Variants in ZAR1 observed in about 807,000 individuals in gnomAD.
The protein encoded by ZAR1 is zygote arrest 1.
In ZAR1, 37 loss-of-function variants were observed where a neutral mutation model predicts 38.3. The ratio of observed to expected loss-of-function variants is 0.97; its 90% confidence interval spans 0.74 to 1.27. ZAR1 has a LOEUF of 1.27. Among genes scored for constraint, ZAR1 ranks in the 50% most tolerant of loss-of-function variants. The probability of loss-of-function intolerance (pLI) is 0.00; values close to 1 mark genes in which losing one functional copy is unlikely to be tolerated. For synonymous variants in ZAR1, 336 were observed against 292.0 expected, an observed-to-expected ratio of 1.15 and a Z score of -1.53; for missense variants, 651 against 632.4, an observed-to-expected ratio of 1.03 and a Z score of -0.32.
downstream of ZAR1, chr4:48,494,420 A>T (rs1225382736): frequency 1.2e-6 from 1 of 834,048 alleles, no homozygotes; most frequent in Non-Finnish European, 1.8e-6. Flanking sequence ...TGTCTTTGAA[A>T]ATAAAGTTTC....
Position 48,490,409 on chromosome 4 carries a change from TG to T in ZAR1, c.120del (p.Trp40CysfsTer30). On this transcript the variant is annotated frameshift_variant, in exon 1 of 4. Transcript: ENST00000327939. LOFTEE classifies it high-confidence loss of function. ...GGGCAAGGGCGCGGCGGGCGGCAGC[TG>T]GCAGCAGCGCGGCAGGGGCTGCCTT... ...TKGKGAAGGS[W>X]QQRGRGCLPA... 1 of 1,490,728 alleles carries T rather than the reference TG, an allele frequency of 6.7e-7. No homozygotes were observed. The highest frequency in any genetic ancestry group is 1.7e-4 in the Middle Eastern group (1 of 5,806). 92.3% of individuals were successfully genotyped at this position (1,490,728 alleles called of 1,614,324 possible).
Position 48,491,080 on chromosome 4 carries a change from G to A in ZAR1, c.789G>A (p.Pro263=). 7.7e-7 allele frequency: 1 copy of A among 1,306,256 alleles called. No homozygotes were observed. Among genetic ancestry groups the A allele is most frequent in the Non-Finnish European group, 9.7e-7 (1 of 1,031,570 alleles). 80.9% of individuals were successfully genotyped at this position (1,306,256 alleles called of 1,614,324 possible). A position where few individuals can be genotyped will look rare whatever the true frequency, so the allele number is the denominator to read the frequency against. ...AGCCGGCCGACGGTCCCGAGCTGCC[G>A]CCGCGAGAGGCCCAGGAGGGCGAGG... The part of the protein sequence containing the change: ...WEQPADGPEL[P]PREAQEGEAA... Residue 263 remains proline, a synonymous_variant, in exon 1 of 4, where the codon CCG becomes CCA. Transcript: ENST00000327939.
In ZAR1 at chr4:48,490,845, T is replaced by C; in HGVS notation, c.554T>C (p.Leu185Pro). Residue 185 changes from leucine to proline, a missense_variant, in exon 1 of 4, where the codon CTG (leucine) becomes CCG (proline). By Grantham distance (98) the Leu-to-Pro change is moderately conservative (BLOSUM62 -3). Around this residue, in one of 2 missense-constraint regions of ZAR1, gnomAD observed 522 missense variants for 459.9 expected, o/e 1.14. Transcript: ENST00000327939. The stretch of plus-strand genomic sequence containing the variant: ...CGCACCGTCGCCGTGTACTCGCCCC[T>C]GGCCTTGCGCCGTCTCACCGCCTTC... Reference protein sequence around the residue: ...FPRTVAVYSPLALRRLTAFLE... With the variant: ...FPRTVAVYSPPALRRLTAFLE... 5 of 1,490,942 alleles carry C rather than the reference T, an allele frequency of 3.4e-6. No homozygotes were observed. The highest frequency in any genetic ancestry group is 3.5e-6 in the Non-Finnish European group (4 of 1,127,616). 92.4% of individuals were successfully genotyped at this position (1,490,942 alleles called of 1,614,324 possible).
In ZAR1 at chr4:48,490,960, A is replaced by G. The variant is rs1035331424; in HGVS notation, c.669A>G (p.Pro223=). ...CGCCGCCCGCGCGGCTTCAAGGCCC[A>G]GAGGAGGGGGAGGTGTGGACGAAGA... The part of the protein sequence containing the change: ...RGPPPARLQG[P]EEGEVWTKKA... Residue 223 remains proline (P), a synonymous_variant, in exon 1 of 4, where the codon CCA becomes CCG. Transcript: ENST00000327939. 17 of 1,351,952 alleles carry G rather than the reference A, an allele frequency of 1.3e-5. No individual in the cohort carries two copies. Among genetic ancestry groups the G allele is most frequent in the African/African-American group, 3.1e-5 (2 of 65,098 alleles). The allele number at this position is 1,351,952 out of a possible 1,614,324, so 83.7% of individuals were successfully genotyped here. A position where few individuals can be genotyped will look rare whatever the true frequency, so the allele number is the denominator to read the frequency against.
rs777125193 is a variant in ZAR1, at chr4:48,494,098, C to T, written c.1132-3C>T. On this transcript the variant is annotated splice_region_variant and splice_polypyrimidine_tract_variant and intron_variant, in intron 3 of 3. Transcript: ENST00000327939. ...CATGCCCTTCTGTATTTTTTTCCCC[C>T]AGAGTTGTAAACAAACGAGATGTTC... 6 of 1,609,102 alleles carry T rather than the reference C, an allele frequency of 3.7e-6. No homozygotes were observed. Among genetic ancestry groups the T allele is most frequent in the Non-Finnish European group, 5.1e-6 (6 of 1,177,344 alleles).
Position 48,491,205 on chromosome 4 carries a change from G to A in ZAR1, c.914G>A (p.Gly305Glu). Residue 305 changes from glycine (G) to glutamate (E), a missense_variant, in exon 1 of 4, where the codon GGG becomes GAG. Gly to Glu is a moderately conservative substitution (Grantham distance 98). Transcript: ENST00000327939. ...CGGGAGGCGGCCGTCGCGGGAGAGGGGCCGTCGCCACGGAGCCCGGAGCTG... is the reference window on the plus strand; with the variant it reads ...CGGGAGGCGGCCGTCGCGGGAGAGGAGCCGTCGCCACGGAGCCCGGAGCTG... ...DGREAAVAGE[G>E]PSPRSPELGK... 8 of 1,234,722 alleles carry A rather than the reference G, an allele frequency of 6.5e-6. No individual in the cohort carries two copies. Among genetic ancestry groups the A allele is most frequent in the Non-Finnish European group, 8.1e-6 (8 of 989,722 alleles). The allele number at this position is 1,234,722 out of a possible 1,614,324, so 76.5% of individuals were successfully genotyped here.
chr4:48,494,455 G>GA, downstream of ZAR1: 1 of 583,238 alleles, frequency 1.7e-6, no homozygotes. Flanking sequence ...TGTGCTAACA[G>GA]TCTGGGCCTG....
downstream of ZAR1, among the ~76,000 whole-genome samples, chr4:48,494,929 G>A (rs772759420): frequency 1.3e-5 from 2 of 152,182 alleles, no homozygotes; most frequent in Non-Finnish European, 1.5e-5. Flanking sequence ...TGTGGCAAAA[G>A]TGGGGCTTGG....
At chr4:48,492,312 G>C (rs1226607015) in intron 1 of ZAR1, among the ~76,000 whole-genome samples, 1 of 152,168 alleles carries the variant, frequency 6.6e-6, no homozygotes, top group Non-Finnish European at 1.5e-5. Flanking sequence ...GTACGATTTA[G>C]GTTCCTGGCA....
At chr4:48,491,315 C>T in intron 1 of ZAR1, 61 bp downstream of exon 1, 1 of 1,190,656 alleles carries the variant, frequency 8.4e-7, no homozygotes, top group Non-Finnish European at 1.1e-6. Context: ...TTCCTTGGGC[C>T]TGGCCCTGTG....
downstream of ZAR1, among the ~76,000 whole-genome samples, chr4:48,495,533 G>GC (rs1185330773): frequency 6.6e-6 from 1 of 152,202 alleles, no homozygotes; most frequent in Non-Finnish European, 1.5e-5. Context: ...TTTAATAGGC[G>GC]CCCCAGCTGT....
chr4:48,492,931 A>C lies in ZAR1; in HGVS notation c.1057-7A>C, dbSNP rs962316498. 14 of 1,614,104 alleles carry C rather than the reference A, an allele frequency of 8.7e-6. No individual in the cohort carries two copies. Among genetic ancestry groups the C allele is most frequent in the African/African-American group, 4.0e-5 (3 of 74,942 alleles). On this transcript the variant is annotated splice_polypyrimidine_tract_variant and splice_region_variant and intron_variant, in intron 2 of 3. Transcript: ENST00000327939. ...CGATTTTAAGTTTATCCTCTTTGTC[A>C]TCACAGGTTTACTTCAAACAGTTTT...
chr4:48,496,508 T>C (rs1411696869), downstream of ZAR1, among the ~76,000 whole-genome samples: 1 of 152,194 alleles, frequency 6.6e-6, no homozygotes, highest in East Asian at 1.9e-4. Context: ...TTTTCCTAAC[T>C]TAGCAGCTAA....
chr4:48,490,782 GC>G lies in ZAR1; in HGVS notation c.496del (p.Gln166ArgfsTer113). 2 of 1,500,086 alleles carry G rather than the reference GC, an allele frequency of 1.3e-6. No homozygotes were observed. Among genetic ancestry groups the G allele is most frequent in the Non-Finnish European group, 8.8e-7 (1 of 1,131,720 alleles). 92.9% of individuals were successfully genotyped at this position (1,500,086 alleles called of 1,614,324 possible). A position where few individuals can be genotyped will look rare whatever the true frequency, so the allele number is the denominator to read the frequency against. On this transcript the variant is annotated frameshift_variant, in exon 1 of 4. Coordinates refer to ENST00000327939, the MANE Select transcript of ZAR1 (RefSeq NM_175619.3). LOFTEE classifies it high-confidence loss of function. Reference protein sequence around the residue: ...QPSRRGLEQGSPQNGAPRPMR... With the variant: ...QPSRRGLEQGXPQNGAPRPMR... ...TCCCGTCGAGGCCTGGAGCAGGGCAGCCCCCAGAACGGCGCCCCGCGGCCCA... is the reference window on the plus strand; with the variant it reads ...TCCCGTCGAGGCCTGGAGCAGGGCAGCCCCAGAACGGCGCCCCGCGGCCCA...
chr4:48,490,463 G>A lies in ZAR1; in HGVS notation c.172G>A (p.Ala58Thr), dbSNP rs1477476495. Residue 58 changes from alanine to threonine, a missense_variant, in exon 1 of 4, where the codon GCG becomes ACG. Around this residue, in one of 2 missense-constraint regions of ZAR1, gnomAD observed 522 missense variants for 459.9 expected, o/e 1.14. Transcript: ENST00000327939. ...LPASSPCSAG[A>T]ASLSFPGCGR... ...CGCCTCCTCCCCCTGCTCGGCGGGC[G>A]CGGCCTCGTTGTCCTTCCCGGGCTG... The A allele has an allele frequency of 2.0e-6, 3 of 1,465,148 alleles. No individual in the cohort carries two copies. Among genetic ancestry groups the A allele is most frequent in the East Asian group, 2.9e-5 (1 of 34,152 alleles). The allele number at this position is 1,465,148 out of a possible 1,614,324, so 90.8% of individuals were successfully genotyped here.
intron 3 of ZAR1, 80 bp from the exon 4 acceptor site, chr4:48,494,021 T>C (rs1487081140): frequency 6.6e-7 from 1 of 1,522,770 alleles, no homozygotes; most frequent in Non-Finnish European, 8.9e-7. Context: ...AGTACTTGAA[T>C]GGACTAGAAA....
At chr4:48,494,053 C>A in intron 3 of ZAR1, 48 bp from the exon 4 acceptor site, 1 of 1,589,976 alleles carries the variant, frequency 6.3e-7, no homozygotes, top group Non-Finnish European at 8.6e-7. Context: ...CCTAGGAAAT[C>A]ACTAAGGGTT....
At chr4:48,494,501 G>C (rs1217870062), downstream of ZAR1, 2 of 445,550 alleles carry the variant, frequency 4.5e-6, no homozygotes, top group African/African-American at 2.0e-5. Context: ...TGATGGCATA[G>C]AGTGGGCCAG....
chr4:48,490,256 A>G lies in ZAR1; in HGVS notation c.-36A>G. The G allele has an allele frequency of 2.0e-6, 3 of 1,475,648 alleles. No homozygotes were observed. The highest frequency in any genetic ancestry group is 2.7e-6 in the Non-Finnish European group (3 of 1,120,142). The allele number at this position is 1,475,648 out of a possible 1,614,324, so 91.4% of individuals were successfully genotyped here. A position where few individuals can be genotyped will look rare whatever the true frequency, so the allele number is the denominator to read the frequency against. ...GCTCGGCCGCCCGGGCAAGTCGCCTATTTAGGGTGCGGCGGCGGGCGGGAG... is the reference window on the plus strand; with the variant it reads ...GCTCGGCCGCCCGGGCAAGTCGCCTGTTTAGGGTGCGGCGGCGGGCGGGAG... On this transcript the variant is annotated 5_prime_UTR_variant, in exon 1 of 4. Coordinates refer to ENST00000327939, the MANE Select transcript of ZAR1 (RefSeq NM_175619.3).
Sources: gnomAD v4.1 joint callset for allele counts (sites outside exome capture counted in the v4.1 genomes callset) on GRCh38, gnomAD v4.1.1 for gene constraint, gnomAD v4.1.1 regional missense constraint, MANE v1.5 for transcripts, NCBI Gene and HGNC (gene_info 2026-07-23, HGNC 2026-07-21) for gene names.